Variants in OTUD5 observed in about 807,000 individuals in gnomAD.
OTUD5 encodes OTU deubiquitinase 5.
Under a neutral mutation model 36.3 loss-of-function variants are expected in OTUD5, and 2 were observed. The observed-to-expected ratio is 0.06, with a 90% confidence interval of 0.02 to 0.17. The LOEUF is 0.17. Ranked by LOEUF, OTUD5 falls within the 10% of genes least tolerant of loss-of-function variation. The pLI is 1.00. For synonymous variants in OTUD5, 234 were observed against 214.9 expected (o/e 1.09, Z -0.78); for missense variants, 233 against 512.3 (o/e 0.45, Z 5.26).
chrX:48,957,737 C>CGGA, upstream of OTUD5: 18 of 772,268 alleles, frequency 2.3e-5, no homozygotes, highest in East Asian at 1.2e-4. Flanking sequence ...GAGGCGGCGG[C>CGGA]GGCGGCGGCG....
chrX:48,939,857 C>T (rs2063890727), intron 2 of OTUD5: 1 of 112,866 alleles, frequency 8.9e-6, no homozygotes, highest in South Asian at 3.6e-4. Context: ...GCTTTAGAGA[C>T]ATCTGAGAAC....
chrX:48,951,470 C>T (rs2064143515), intron 1 of OTUD5, among the ~76,000 whole-genome samples: 1 of 111,808 alleles, frequency 8.9e-6, no homozygotes, highest in Admixed American at 9.4e-5. Context: ...AAAATATTAG[C>T]CAGACGAGGT....
chrX:48,931,304 C>T (rs1557048748), intron 5 of OTUD5, among the ~76,000 whole-genome samples: 1 of 112,157 alleles, frequency 8.9e-6, no homozygotes, highest in East Asian at 2.8e-4. Context: ...TGGCACTTTA[C>T]CTCTGTGATC....
intron 2 of OTUD5, among the ~76,000 whole-genome samples, chrX:48,937,544 G>A (rs1022414575): frequency 9.8e-5 from 11 of 112,203 alleles, no homozygotes; most frequent in Non-Finnish European, 2.1e-4. Flanking sequence ...TGTGGAACAG[G>A]GAAGGGATCT....
At chrX:48,924,100 C>G in intron 6 of OTUD5, 48 bp from the exon 7 acceptor site, 2 of 1,095,334 alleles carry the variant, frequency 1.8e-6, no homozygotes, top group Non-Finnish European at 2.5e-6. Context: ...CAGCCATGAC[C>G]TTCTTGTGAC....
In OTUD5 at chrX:48,939,485, T is replaced by A. The variant is rs782693355; in HGVS notation, c.689-4467A>T. ...ATAGAAATGCACATGTGTATACACA[T>A]ACAGCAGAGACTGCCAAAGATGCTC... On this transcript the variant is annotated intron_variant, in intron 2 of 8. Transcript: ENST00000376488. 1.6e-4 allele frequency among the ~76,000 whole-genome samples: 18 copies of A among 111,550 alleles called. 1 individual carries two copies. In the South Asian group the frequency reaches 6.5e-3, roughly 40 times the overall value.
At chrX:48,945,524 C>A (rs1180288700) in intron 1 of OTUD5, among the ~76,000 whole-genome samples, 1 of 110,494 alleles carries the variant, frequency 9.1e-6, no homozygotes, top group Non-Finnish European at 1.9e-5. Context: ...CCCACCTCGG[C>A]CTCCCAAAGT....
chrX:48,949,723 C>T (rs146485882), intron 1 of OTUD5, among the ~76,000 whole-genome samples: 1,959 of 109,772 alleles, frequency 0.018, 40 homozygotes, highest in African/African-American at 0.062. Flanking sequence ...CATGGTGGCT[C>T]GCACCTGTGG....
At chrX:48,955,499 A>C (rs1224061029) in intron 1 of OTUD5, among the ~76,000 whole-genome samples, 1 of 111,468 alleles carries the variant, frequency 9.0e-6, no homozygotes, top group East Asian at 2.8e-4. Context: ...ACCTCTAGAC[A>C]CACAAGTCAC....
chrX:48,944,121 C>A, intron 2 of OTUD5, 69 bp downstream of exon 2: 1 of 753,204 alleles, frequency 1.3e-6, no homozygotes, highest in Non-Finnish European at 2.0e-6. Context: ...GTCTCAGGGG[C>A]TATTCCTGAT....
At chrX:48,950,067 T>C (rs1257143139) in intron 1 of OTUD5, among the ~76,000 whole-genome samples, 5 of 100,577 alleles carry the variant, frequency 5.0e-5, no homozygotes, top group African/African-American at 1.9e-4. Context: ...GAGAATAGCT[T>C]GAACCCAGGA....
intron 1 of OTUD5, among the ~76,000 whole-genome samples, chrX:48,951,113 T>C (rs1258889989): frequency 1.3e-5 from 1 of 78,120 alleles, no homozygotes; most frequent in Admixed American, 1.9e-4. Flanking sequence ...ACCCTGCCTA[T>C]GGATGGATGA....
chrX:48,927,818 G>T (rs954499681), intron 5 of OTUD5, among the ~76,000 whole-genome samples: 5 of 111,729 alleles, frequency 4.5e-5, no homozygotes, highest in Non-Finnish European at 9.4e-5. Context: ...GCTTAAAGTT[G>T]CAAACCTCTA....
chrX:48,928,605 T>A (rs1241414194), intron 5 of OTUD5, among the ~76,000 whole-genome samples: 4 of 110,632 alleles, frequency 3.6e-5, no homozygotes, highest in Non-Finnish European at 7.6e-5. Flanking sequence ...GGCGGGAGGA[T>A]CACTTGTCCC....
intron 1 of OTUD5, among the ~76,000 whole-genome samples, chrX:48,953,093 G>A (rs2064175532): frequency 8.9e-6 from 1 of 112,031 alleles, no homozygotes. Flanking sequence ...AAGCAGGTAA[G>A]GAGGAGATGC....
intron 5 of OTUD5, among the ~76,000 whole-genome samples, chrX:48,930,683 G>A (rs2063738007): frequency 9.0e-6 from 1 of 111,686 alleles, no homozygotes; most frequent in Admixed American, 9.5e-5. Flanking sequence ...ATTGAGCTGG[G>A]CGCAGTAGCT....
At chrX:48,951,420 C>A (rs893107650) in intron 1 of OTUD5, among the ~76,000 whole-genome samples, 1 of 111,535 alleles carries the variant, frequency 9.0e-6, no homozygotes, top group Non-Finnish European at 1.9e-5. Context: ...CGAGATCATC[C>A]TGGCTAACAC....
chrX:48,923,274 T>C lies in OTUD5; in HGVS notation c.1601A>G (p.Asp534Gly). The C allele has an allele frequency of 8.3e-7, 1 of 1,208,293 alleles. No homozygotes were observed. Among genetic ancestry groups the C allele is most frequent in the Non-Finnish European group, 1.1e-6 (1 of 892,995 alleles). Residue 534 changes from aspartate to glycine, a missense_variant, in exon 9 of 9, where the codon GAT (aspartate) becomes GGT (glycine). Around this residue, in one of 3 missense-constraint regions of OTUD5, gnomAD observed 57 missense variants for 133.1 expected, o/e 0.43. Transcript: ENST00000376488. ...SAFGLNDWDD[D>G]EILASVLAVS... ...TGCCAGCACCGAAGCTAGGATCTCA[T>C]CATCATCCCAGTCATTCAGACCTGC... is the stretch of plus-strand genomic sequence containing the variant.
Position 48,957,212 on chromosome X carries a change from G to A in OTUD5, c.359C>T (p.Ala120Val). ...GCCCGCGGCACCCACACCCGCCGCC[G>A]CTGCGCCCAGCGCGTCGCCGGGACC... ...GGGPGDALGA[A>V]AAGVGAAGVV... Residue 120 changes from alanine (A) to valine (V), a missense_variant, in exon 1 of 9, where the codon GCG (alanine) becomes GTG (valine). Physicochemically the swap from Ala to Val is moderately conservative, Grantham distance 64. This residue lies in a region of OTUD5 where 155 missense variants were observed against 217.2 expected (regional missense o/e 0.71). Transcript: ENST00000376488. 9.1e-7 allele frequency: 1 copy of A among 1,099,518 alleles called. No homozygotes were observed. Among genetic ancestry groups the A allele is most frequent in the East Asian group, 3.8e-5 (1 of 26,226 alleles). The allele number at this position is 1,099,518 out of a possible 1,213,427, so 90.6% of individuals were successfully genotyped here.
Sources: gnomAD v4.1 joint callset for allele counts (sites outside exome capture counted in the v4.1 genomes callset) on GRCh38, gnomAD v4.1.1 for gene constraint, gnomAD v4.1.1 regional missense constraint, MANE v1.5 for transcripts, NCBI Gene and HGNC (gene_info 2026-07-23, HGNC 2026-07-21) for gene names.